Variants in NDUFA5 observed in about 807,000 individuals in gnomAD.
NDUFA5 encodes NADH dehydrogenase [ubiquinone] 1 alpha subcomplex subunit 5.
NDUFA5 carries 11 observed loss-of-function variants against 19.8 expected under a neutral mutation model. The observed-to-expected ratio is 0.56, with a 90% confidence interval of 0.35 to 0.92. The LOEUF (loss-of-function observed/expected upper bound fraction) is 0.92, where lower values mean the gene tolerates loss of function less well. Among genes scored for constraint, NDUFA5 ranks in the 40% least tolerant of loss-of-function variants. The pLI is 0.01. For synonymous variants in NDUFA5, 47 were observed against 46.8 expected (o/e 1.00, Z -0.01); for missense variants, 109 against 134.2 (o/e 0.81, Z 0.93).
At chr7:123,547,849 T>C (rs376369017) in intron 3 of NDUFA5, among the ~76,000 whole-genome samples, 3 of 152,298 alleles carry the variant, frequency 2.0e-5, no homozygotes, top group East Asian at 1.9e-4. Context: ...TAAGGTACCA[T>C]GTACTGAATG....
the NDUFA5 span, among the ~76,000 whole-genome samples, chr7:123,590,164 G>A: frequency 6.6e-5 from 10 of 152,072 alleles, no homozygotes; most frequent in Non-Finnish European, 1.2e-4. Context: ...TGTTGATGGG[G>A]TTGTTTGTTT....
At chr7:123,581,434 G>T in the NDUFA5 span, among the ~76,000 whole-genome samples, 1 of 124,432 alleles carries the variant, frequency 8.0e-6, no homozygotes, top group South Asian at 2.9e-4. Flanking sequence ...AAAAAAAAAG[G>T]TACTCTCCAG....
At chr7:123,582,506 AC>A in the NDUFA5 span, among the ~76,000 whole-genome samples, 1 of 151,930 alleles carries the variant, frequency 6.6e-6, no homozygotes, top group Non-Finnish European at 1.5e-5. Flanking sequence ...TCTAACTCTT[AC>A]CTAAAGCTCC....
chr7:123,555,246 T>C (rs1197492352), intron 2 of NDUFA5: 1 of 152,170 alleles, frequency 6.6e-6, no homozygotes, highest in East Asian at 1.9e-4. Flanking sequence ...AGGAAAATCA[T>C]ATGATTAGAT....
the NDUFA5 span, among the ~76,000 whole-genome samples, chr7:123,597,650 G>C: frequency 6.6e-6 from 1 of 151,946 alleles, no homozygotes; most frequent in African/African-American, 2.4e-5. Context: ...TGGCCAACAT[G>C]GTGAAACCCC....
upstream of NDUFA5, among the ~76,000 whole-genome samples, chr7:123,561,154 T>C (rs1798683127): frequency 6.6e-6 from 1 of 152,200 alleles, no homozygotes. Context: ...CCCAGCTTCC[T>C]TTTTGCAGAA....
chr7:123,555,909 A>C (rs866280577), intron 2 of NDUFA5: 7 of 152,380 alleles, frequency 4.6e-5, no homozygotes, highest in Non-Finnish European at 7.3e-5. Context: ...GACTAACTCT[A>C]GTAGCCTGGC....
chr7:123,577,727 A>G, the NDUFA5 span, among the ~76,000 whole-genome samples: 1 of 152,082 alleles, frequency 6.6e-6, no homozygotes, highest in African/African-American at 2.4e-5. Context: ...ATGGTTATGC[A>G]AACAGTTTTA....
chr7:123,589,191 A>C, the NDUFA5 span, among the ~76,000 whole-genome samples: 1 of 151,708 alleles, frequency 6.6e-6, no homozygotes, highest in Non-Finnish European at 1.5e-5. Context: ...AACTCTTAAT[A>C]TTTCCTTACT....
upstream of NDUFA5, among the ~76,000 whole-genome samples, chr7:123,560,773 C>G (rs768152798): frequency 1.3e-5 from 2 of 152,150 alleles, no homozygotes; most frequent in Non-Finnish European, 2.9e-5. Context: ...CCATCATGAC[C>G]TCATCTAAAC....
chr7:123,582,117 G>A, the NDUFA5 span, among the ~76,000 whole-genome samples: 11 of 151,962 alleles, frequency 7.2e-5, no homozygotes, highest in African/African-American at 2.4e-4. Context: ...AATTGCTCAA[G>A]CTGATCATGA....
the NDUFA5 span, chr7:123,598,930 T>C: frequency 6.6e-6 from 1 of 152,192 alleles, no homozygotes; most frequent in Admixed American, 6.5e-5. Context: ...TTTCAGTTGT[T>C]TGATTTTCAG....
At chr7:123,558,041 T>TCTGTTC, upstream of NDUFA5, 1 of 637,052 alleles carries the variant, frequency 1.6e-6, no homozygotes, top group Non-Finnish European at 2.7e-6. Flanking sequence ...TTCCCAGCTG[T>TCTGTTC]CTGTTCCTGT....
chr7:123,558,562 A>G (rs1018498691), upstream of NDUFA5, among the ~76,000 whole-genome samples: 7 of 152,224 alleles, frequency 4.6e-5, no homozygotes, highest in Non-Finnish European at 7.4e-5. Flanking sequence ...TGATGGTACC[A>G]GGGAAAAGGA....
the NDUFA5 span, among the ~76,000 whole-genome samples, chr7:123,584,426 G>C: frequency 6.6e-6 from 1 of 151,742 alleles, no homozygotes; most frequent in African/African-American, 2.4e-5. Flanking sequence ...AAGCTCCCCA[G>C]GTGATTCCAA....
At chr7:123,579,100 T>C in the NDUFA5 span, among the ~76,000 whole-genome samples, 1 of 152,012 alleles carries the variant, frequency 6.6e-6, no homozygotes, top group Non-Finnish European at 1.5e-5. Context: ...GTCTATTGTA[T>C]CCATCTTTAT....
chr7:123,559,574 C>T (rs998431873), upstream of NDUFA5, among the ~76,000 whole-genome samples: 1 of 151,922 alleles, frequency 6.6e-6, no homozygotes, highest in Non-Finnish European at 1.5e-5. Flanking sequence ...AAGAAAACTT[C>T]GGCTGGGCCT....
the NDUFA5 span, among the ~76,000 whole-genome samples, chr7:123,574,712 C>T: frequency 6.6e-6 from 1 of 152,080 alleles, no homozygotes; most frequent in Non-Finnish European, 1.5e-5. Context: ...CAGCTAATTC[C>T]TTAACCCACT....
the NDUFA5 span, among the ~76,000 whole-genome samples, chr7:123,594,803 C>T: frequency 6.6e-6 from 1 of 152,290 alleles, no homozygotes; most frequent in South Asian, 2.1e-4. Flanking sequence ...CTGGGAGAAC[C>T]ACTGCTCTCT....
Sources: allele counts gnomAD v4.1 joint callset (sites outside exome capture counted in the v4.1 genomes callset), GRCh38; gene constraint gnomAD v4.1.1; transcripts MANE v1.5; gene names NCBI Gene and HGNC (gene_info 2026-07-23, HGNC 2026-07-21).